The following ELAPOR1 variants were observed in gnomAD, a reference collection of about 807,000 sequenced individuals.
ELAPOR1 encodes endosome/lysosome-associated apoptosis and autophagy regulator 1.
ELAPOR1 carries 77 observed loss-of-function variants against 119.7 expected under a neutral mutation model. The ratio of observed to expected loss-of-function variants is 0.64; its 90% CI spans 0.54 to 0.78. The LOEUF (loss-of-function observed/expected upper bound fraction) is 0.78, where lower values mean the gene tolerates loss of function less well. ELAPOR1 is among the 30% of genes least tolerant of loss of function. The pLI is 0.00. For missense variants in ELAPOR1, 1,115 were observed against 1,270.4 expected (o/e 0.88, Z 1.86); for synonymous variants, 481 against 487.2 (o/e 0.99, Z 0.17).
intron 1 of ELAPOR1, among the ~76,000 whole-genome samples, chr1:109,156,923 C>G (rs1455240869): frequency 6.6e-6 from 1 of 152,162 alleles, no homozygotes; most frequent in African/African-American, 2.4e-5. Context: ...AATAAGGAGG[C>G]AATAGTTCCT....
chr1:109,143,641 T>C (rs1202362092), intron 1 of ELAPOR1, among the ~76,000 whole-genome samples: 2 of 152,154 alleles, frequency 1.3e-5, no homozygotes, highest in African/African-American at 4.8e-5. Flanking sequence ...TTTAAATAAA[T>C]GGTAAAATGA....
At position 109,173,837 on chromosome 1, in the gene ELAPOR1, G is replaced by A; in HGVS notation, c.952G>A (p.Glu318Lys). 1 of 1,613,756 alleles carries A rather than the reference G, an allele frequency of 6.2e-7. No homozygotes were observed. The highest frequency in any genetic ancestry group is 8.5e-7 in the Non-Finnish European group (1 of 1,179,872). Residue 318 changes from glutamate (E) to lysine (K), a missense_variant and splice_region_variant, in exon 7 of 22, where the codon GAG (glutamate) becomes AAG (lysine). By Grantham distance (56) the Glu-to-Lys change is moderately conservative. Coordinates refer to ENST00000369939, the MANE Select transcript of ELAPOR1 (RefSeq NM_020775.5). ...CHQCDPDKYS[E>K]KGSSSCNVRP... ...CCAGTGTGACCCTGACAAATACTCA[G>A]GTGATGTTTCTGAGGGTGGGAAGAG...
intron 18 of ELAPOR1, 96 bp from the exon 19 acceptor site, chr1:109,199,758 G>A (rs1320011162): frequency 2.1e-6 from 3 of 1,440,506 alleles, no homozygotes; most frequent in South Asian, 2.5e-5. Flanking sequence ...GCAGGGAGAG[G>A]GTAAATCAGG....
intron 1 of ELAPOR1, among the ~76,000 whole-genome samples, chr1:109,141,667 A>T (rs941327209): frequency 2.0e-5 from 3 of 151,530 alleles, no homozygotes; most frequent in African/African-American, 7.3e-5. Context: ...GCTGAGCACT[A>T]TATTTTATTT....
At chr1:109,129,044 C>T (rs1311936509) in intron 1 of ELAPOR1, among the ~76,000 whole-genome samples, 2 of 152,128 alleles carry the variant, frequency 1.3e-5, no homozygotes, top group East Asian at 3.8e-4. Context: ...TTGAAGATGT[C>T]AGTGACAGAT....
rs1654405502 is a variant in ELAPOR1, at chr1:109,205,000, A to G, written c.*1988A>G. 1 of 152,234 alleles carries G rather than the reference A, an allele frequency of 6.6e-6. No individual in the cohort carries two copies. The highest frequency in any genetic ancestry group is 2.4e-5 in the African/African-American group (1 of 41,458). The allele number at this position is 152,234 out of a possible 1,614,324, so 9.4% of individuals were successfully genotyped here. On this transcript the variant is annotated 3_prime_UTR_variant, in exon 22 of 22. Coordinates refer to ENST00000369939, the MANE Select transcript of ELAPOR1 (RefSeq NM_020775.5). ...ATTGCTTTGTGTGATAAAAAACTAA[A>G]GAGACTTCTGGTCCAATTTCTGGCA...
intron 3 of ELAPOR1, among the ~76,000 whole-genome samples, chr1:109,168,612 A>G (rs980919094): frequency 6.6e-6 from 1 of 152,170 alleles, no homozygotes; most frequent in African/African-American, 2.4e-5. Flanking sequence ...GTGTAATAGA[A>G]AGAATGTCAT....
chr1:109,154,946 G>A lies in ELAPOR1; in HGVS notation c.154-6948G>A, dbSNP rs543398540. Among the ~76,000 whole-genome samples, 193 of 152,210 alleles carry A rather than the reference G, an allele frequency of 1.3e-3. 1 individual carries two copies. The highest frequency in any genetic ancestry group is 2.0e-3 in the Non-Finnish European group (135 of 68,018). ...TCCTTAGACACCAAGACCCTGCTCC[G>A]GAGAAATGGGGGCAAGCAACAGCTT... On this transcript the variant is annotated intron_variant, in intron 1 of 21. Transcript: ENST00000369939.
At position 109,189,188 on chromosome 1, in the gene ELAPOR1, A is replaced by C. The variant is rs1653267119; in HGVS notation, c.1342A>C (p.Met448Leu). Reference sequence around the variant, plus strand: ...TGGGATCAACTTCGAGTACAAGGGCATGACAGGTAATTGCCTCTCCCTGTG... The same window carrying C: ...TGGGATCAACTTCGAGTACAAGGGCCTGACAGGTAATTGCCTCTCCCTGTG... ...LSGINFEYKG[M>L]TGWEVAGDHI... Residue 448 changes from methionine (M) to leucine (L), a missense_variant, in exon 10 of 22, where the codon ATG becomes CTG. Physicochemically the swap from Met to Leu is conservative, Grantham distance 15 (BLOSUM62 2). Coordinates refer to ENST00000369939, the MANE Select transcript of ELAPOR1 (RefSeq NM_020775.5). 6.8e-6 allele frequency: 11 copies of C among 1,613,584 alleles called. No homozygotes were observed. The highest frequency in any genetic ancestry group is 9.3e-6 in the Non-Finnish European group (11 of 1,179,772).
At chr1:109,181,047 A>C (rs648593) in intron 7 of ELAPOR1, among the ~76,000 whole-genome samples, 1 of 152,080 alleles carries the variant, frequency 6.6e-6, no homozygotes, top group African/African-American at 2.4e-5. Flanking sequence ...TTGACAAAAC[A>C]TGATCTCATT....
intron 21 of ELAPOR1, 92 bp downstream of exon 21, chr1:109,200,992 A>T: frequency 1.6e-6 from 2 of 1,242,120 alleles, no homozygotes; most frequent in Non-Finnish European, 1.1e-6. Context: ...CCGTTCAGGG[A>T]TGGGCACCCT....
chr1:109,129,280 C>T (rs1012026978), intron 1 of ELAPOR1, among the ~76,000 whole-genome samples: 3 of 152,200 alleles, frequency 2.0e-5, no homozygotes, highest in Non-Finnish European at 2.9e-5. Context: ...GAGGCCTAGG[C>T]GGGTGGATAA....
chr1:109,187,658 T>A lies in ELAPOR1; in HGVS notation c.1042-519T>A, dbSNP rs1036489802. The A allele has an allele frequency of 3.7e-5, 37 of 994,764 alleles. No homozygotes were observed. The East Asian group carries it at 8.0e-4, about 21-fold the overall frequency. The allele number at this position is 994,764 out of a possible 1,614,324, so 61.6% of individuals were successfully genotyped here. A position where few individuals can be genotyped will look rare whatever the true frequency, so the allele number is the denominator to read the frequency against. On this transcript the variant is annotated intron_variant, in intron 8 of 21. Transcript: ENST00000369939. ...ATGCAGGGGCCATGTTTCATTCATC[T>A]CTGAGACACCAGGTCTGGCACATAG...
chr1:109,127,860 G>A (rs908432769), intron 1 of ELAPOR1, among the ~76,000 whole-genome samples: 1 of 150,332 alleles, frequency 6.7e-6, no homozygotes, highest in African/African-American at 2.5e-5. Flanking sequence ...CACTGCACCC[G>A]GCCTGCTTTT....
chr1:109,173,589 G>A lies in ELAPOR1; in HGVS notation c.802+10G>A, dbSNP rs752127069. The A allele has an allele frequency of 6.2e-7, 1 of 1,613,866 alleles. No individual in the cohort carries two copies. Among genetic ancestry groups the A allele is most frequent in the Middle Eastern group, 1.6e-4 (1 of 6,062 alleles). ...AACATTGCCATAACAGGTACTGAGA[G>A]CAGGGTTACTGACTTCCTGGGCTGT... On this transcript the variant is annotated intron_variant, in intron 6 of 21. Transcript: ENST00000369939.
chr1:109,171,314 G>A (rs1043960764), intron 3 of ELAPOR1, among the ~76,000 whole-genome samples: 3 of 152,182 alleles, frequency 2.0e-5, no homozygotes, highest in African/African-American at 7.2e-5. Context: ...TTTTGAGGCC[G>A]AGGTGGGTGG....
At chr1:109,141,981 A>G (rs982608167) in intron 1 of ELAPOR1, among the ~76,000 whole-genome samples, 1 of 152,036 alleles carries the variant, frequency 6.6e-6, no homozygotes, top group Admixed American at 6.6e-5. Context: ...GTTTTCTTTG[A>G]CATCCAGAAT....
chr1:109,194,882 C>T lies in ELAPOR1; in HGVS notation c.2121+288C>T, dbSNP rs546402801. 1.6e-4 allele frequency among the ~76,000 whole-genome samples: 24 copies of T among 148,386 alleles called. No homozygotes were observed. In the East Asian group the frequency reaches 2.7e-3, roughly 17 times the overall value. ...CAGCACTTTGGGAGGCCGAGACGGG[C>T]GGATCACCTGAGGTGGGGAGTTCGA... is the stretch of plus-strand genomic sequence containing the variant. On this transcript the variant is annotated intron_variant, in intron 15 of 21. Transcript: ENST00000369939.
chr1:109,142,520 A>T (rs889473751), intron 1 of ELAPOR1, among the ~76,000 whole-genome samples: 1 of 152,248 alleles, frequency 6.6e-6, no homozygotes, highest in Admixed American at 6.5e-5. Context: ...GAGCACAGTC[A>T]GATCTTGTGA....
Sources: allele counts gnomAD v4.1 joint callset (sites outside exome capture counted in the v4.1 genomes callset), GRCh38; gene constraint gnomAD v4.1.1; transcripts MANE v1.5; gene names NCBI Gene and HGNC (gene_info 2026-07-23, HGNC 2026-07-21).